Variants in MED13L observed in about 807,000 individuals in gnomAD.
MED13L encodes mediator complex subunit 13L, also known as mediator of RNA polymerase II transcription subunit 13-like.
In MED13L, 7 loss-of-function variants were observed where a neutral mutation model predicts 220.9. The ratio of observed to expected loss-of-function variants is 0.03; its 90% CI spans 0.02 to 0.06. The LOEUF is 0.06. Among genes scored for constraint, MED13L ranks in the 10% least tolerant of loss-of-function variants. MED13L has a pLI of 1.00. For missense variants in MED13L, 1,965 were observed against 2,760.5 expected (o/e 0.71, Z 6.46); for synonymous variants, 1,011 against 1,015.2 (o/e 1.00, Z 0.08).
At chr12:116,180,720 C>T (rs1212195473) in intron 2 of MED13L, among the ~76,000 whole-genome samples, 4 of 152,166 alleles carry the variant, frequency 2.6e-5, no homozygotes, top group Non-Finnish European at 5.9e-5. Flanking sequence ...CTGCTCACTA[C>T]TGCATCTACT....
intron 2 of MED13L, among the ~76,000 whole-genome samples, chr12:116,189,774 C>T (rs1881145656): frequency 6.6e-6 from 1 of 152,052 alleles, no homozygotes; most frequent in African/African-American, 2.4e-5. Flanking sequence ...CAGATTTAAA[C>T]CTAAAGGGTT....
chr12:116,000,533 C>T (rs1258477918), intron 14 of MED13L, among the ~76,000 whole-genome samples: 1 of 152,174 alleles, frequency 6.6e-6, no homozygotes, highest in African/African-American at 2.4e-5. Context: ...CTCCTCACCC[C>T]AGAGCACATG....
At chr12:116,244,383 T>C (rs916372807) in intron 1 of MED13L, among the ~76,000 whole-genome samples, 7 of 152,190 alleles carry the variant, frequency 4.6e-5, no homozygotes, top group African/African-American at 1.4e-4. Flanking sequence ...AAGAAAAACA[T>C]TTGTTTCATT....
At chr12:116,255,821 C>T (rs758226578) in intron 1 of MED13L, among the ~76,000 whole-genome samples, 8 of 152,232 alleles carry the variant, frequency 5.3e-5, no homozygotes, top group African/African-American at 1.4e-4. Flanking sequence ...ACATACTGCA[C>T]ATCCCTAATT....
chr12:116,243,294 C>A (rs1033559083), intron 1 of MED13L, among the ~76,000 whole-genome samples: 3 of 152,018 alleles, frequency 2.0e-5, no homozygotes, highest in African/African-American at 4.8e-5. Context: ...CAGGAGGATG[C>A]AAATTTTTTT....
chr12:116,079,617 C>A (rs1016213789), intron 4 of MED13L, among the ~76,000 whole-genome samples: 2 of 152,168 alleles, frequency 1.3e-5, no homozygotes, highest in Non-Finnish European at 2.9e-5. Flanking sequence ...CCGCTCATTG[C>A]AGCCTTGACC....
At chr12:115,974,245 T>A (rs1876784148) in intron 25 of MED13L, among the ~76,000 whole-genome samples, 1 of 152,224 alleles carries the variant, frequency 6.6e-6, no homozygotes. Flanking sequence ...AAATATTTAC[T>A]ATCTGGCCAT....
intron 2 of MED13L, among the ~76,000 whole-genome samples, chr12:116,182,939 G>GATTTTCATCTCACC (rs1880626638): frequency 6.6e-6 from 1 of 152,146 alleles, no homozygotes; most frequent in South Asian, 2.1e-4. Context: ...GAGATTTTAA[G>GATTTTCATCTCACC]CTACTTGAGG....
At chr12:116,017,736 C>T (rs923442640) in intron 7 of MED13L, among the ~76,000 whole-genome samples, 1 of 152,182 alleles carries the variant, frequency 6.6e-6, no homozygotes, top group Non-Finnish European at 1.5e-5. Context: ...CCACCTCAGC[C>T]TCCCAAGTAG....
chr12:116,000,444 G>A (rs1273704382), intron 14 of MED13L, among the ~76,000 whole-genome samples: 1 of 152,140 alleles, frequency 6.6e-6, no homozygotes, highest in Non-Finnish European at 1.5e-5. Flanking sequence ...ACACCCACCT[G>A]CTCCTGCCCA....
At chr12:116,031,754 A>G (rs1880831891) in intron 4 of MED13L, among the ~76,000 whole-genome samples, 1 of 82,884 alleles carries the variant, frequency 1.2e-5, no homozygotes, top group Admixed American at 1.3e-4. Context: ...AGAAAAGAAA[A>G]GAAAAGAAGG....
At chr12:116,030,315 T>C (rs894573470) in intron 4 of MED13L, among the ~76,000 whole-genome samples, 1 of 152,128 alleles carries the variant, frequency 6.6e-6, no homozygotes, top group Admixed American at 6.5e-5. Context: ...AATCCTTTTG[T>C]TTGAAAACTT....
At chr12:116,147,308 T>C (rs1877609309) in intron 2 of MED13L, among the ~76,000 whole-genome samples, 1 of 152,236 alleles carries the variant, frequency 6.6e-6, no homozygotes, top group Non-Finnish European at 1.5e-5. Flanking sequence ...ACTTTACTTG[T>C]ATAATTTGGC....
intron 4 of MED13L, among the ~76,000 whole-genome samples, chr12:116,085,494 T>A (rs1190467550): frequency 6.6e-6 from 1 of 152,210 alleles, no homozygotes; most frequent in Non-Finnish European, 1.5e-5. Flanking sequence ...TAGATTACTT[T>A]TCAAACCTCA....
intron 2 of MED13L, among the ~76,000 whole-genome samples, chr12:116,203,450 A>T (rs1882128298): frequency 6.6e-6 from 1 of 151,838 alleles, no homozygotes; most frequent in South Asian, 2.1e-4. Context: ...AAATAAAAAT[A>T]AAAAAACAGT....
intron 2 of MED13L, among the ~76,000 whole-genome samples, chr12:116,198,036 T>C (rs935546998): frequency 1.3e-5 from 2 of 152,206 alleles, no homozygotes; most frequent in African/African-American, 4.8e-5. Flanking sequence ...TCATTAACAA[T>C]AATACCATCA....
At chr12:115,977,481 G>A (rs1312165475) in intron 23 of MED13L, among the ~76,000 whole-genome samples, 2 of 152,158 alleles carry the variant, frequency 1.3e-5, no homozygotes, top group Non-Finnish European at 2.9e-5. Flanking sequence ...GAAATATTAT[G>A]TCCACACAAA....
rs542425590 is a variant in MED13L, at chr12:116,007,645, C to CAAA, written c.2013-12_2013-10dup. 12,308 of 752,222 alleles carry CAAA rather than the reference C, an allele frequency of 0.016. 77 individuals are homozygous for CAAA. Among genetic ancestry groups the CAAA allele is most frequent in the African/African-American group, 0.029 (1,072 of 37,210 alleles). The allele number at this position is 752,222 out of a possible 1,614,324, so 46.6% of individuals were successfully genotyped here. A position where few individuals can be genotyped will look rare whatever the true frequency, so the allele number is the denominator to read the frequency against. On this transcript the variant is annotated splice_polypyrimidine_tract_variant and intron_variant, in intron 10 of 30. Transcript: ENST00000281928. Reference sequence around the variant, plus strand: ...TAGGTTGTGCTAAGAGTCTAAAAGACAAAAAAAAAAAAAAAAAAAAGAGCA... The same window carrying CAAA: ...TAGGTTGTGCTAAGAGTCTAAAAGACAAAAAAAAAAAAAAAAAAAAAAAGAGCA...
intron 2 of MED13L, among the ~76,000 whole-genome samples, chr12:116,124,146 G>GAGAGAGAGAGAGAGAGAGAC (rs1555213747): frequency 1.0e-4 from 15 of 148,158 alleles, no homozygotes; most frequent in Admixed American, 2.0e-4. Flanking sequence ...GAGAGAGAGA[G>GAGAGAGAGAGAGAGAGAGAC]AGAGACAGAG....
Sources: allele counts gnomAD v4.1 joint callset (sites outside exome capture counted in the v4.1 genomes callset), GRCh38; gene constraint gnomAD v4.1.1; transcripts MANE v1.5; gene names NCBI Gene and HGNC (gene_info 2026-07-23, HGNC 2026-07-21).